SREBF2: variants seen among roughly 807,000 people sequenced by gnomAD.
SREBF2 encodes the protein sterol regulatory element-binding protein 2.
SREBF2 carries 55 observed loss-of-function variants against 113.1 expected under a neutral mutation model. That is an observed-to-expected ratio of 0.49 (90% confidence interval 0.39 to 0.61). The LOEUF (loss-of-function observed/expected upper bound fraction) is 0.61, where lower values mean the gene tolerates loss of function less well. Ranked by LOEUF, SREBF2 falls within the 20% of genes least tolerant of loss-of-function variation. SREBF2 has a pLI of 0.00. For missense variants in SREBF2, 1,349 were observed against 1,487.4 expected, an observed-to-expected ratio of 0.91 and a Z score of 1.53; for synonymous variants, 593 against 605.7, an observed-to-expected ratio of 0.98 and a Z score of 0.31.
chr22:41,898,939 G>A, intron 15 of SREBF2, 158 bp downstream of exon 15: 1 of 1,079,862 alleles, frequency 9.3e-7, no homozygotes, highest in East Asian at 2.6e-5. Context: ...GCACCATGGA[G>A]AACTCAAGTT....
In SREBF2 at chr22:41,900,318, T is replaced by C. The variant is rs202169663; in HGVS notation, c.2739-12T>C. On this transcript the variant is annotated splice_polypyrimidine_tract_variant and intron_variant, in intron 15 of 18. Coordinates refer to ENST00000361204, the MANE Select transcript of SREBF2 (RefSeq NM_004599.4). ...TAGTGACCTGCCTCTCGACTCCCTGTCACTGCTGCAGGAGCCCCCTGGTGA... is the reference window on the plus strand; with the variant it reads ...TAGTGACCTGCCTCTCGACTCCCTGCCACTGCTGCAGGAGCCCCCTGGTGA... 6.2e-7 allele frequency: 1 copy of C among 1,611,750 alleles called. No individual in the cohort carries two copies. The highest frequency in any genetic ancestry group is 8.5e-7 in the Non-Finnish European group (1 of 1,180,004).
intron 1 of SREBF2, among the ~76,000 whole-genome samples, chr22:41,836,574 A>G (rs2076777726): frequency 6.6e-6 from 1 of 152,218 alleles, no homozygotes; most frequent in South Asian, 2.1e-4. Flanking sequence ...TCCTTGAGGC[A>G]GAGACCTTCG....
At chr22:41,873,761 A>G (rs1056813136) in intron 4 of SREBF2, 37 bp from the exon 5 acceptor site, 6 of 1,561,942 alleles carry the variant, frequency 3.8e-6, no homozygotes, top group African/African-American at 1.4e-5. Flanking sequence ...CAGACTAACA[A>G]AGGGATCATT....
Position 41,893,195 on chromosome 22 carries a change from C to T in SREBF2, c.2287C>T (p.His763Tyr), listed in dbSNP as rs750158282. The T allele has an allele frequency of 6.2e-7, 1 of 1,614,180 alleles. No homozygotes were observed. Among genetic ancestry groups the T allele is most frequent in the African/African-American group, 1.3e-5 (1 of 75,034 alleles). ...TCCTGACTCCCTGCGCTGGCTCTGC[C>T]ACCCCCTGGGCCAGAAGTTTTTCAT... Reference protein sequence around the residue: ...AVPDSLRWLCHPLGQKFFMER... With the variant: ...AVPDSLRWLCYPLGQKFFMER... Residue 763 changes from histidine (H) to tyrosine (Y), a missense_variant, in exon 12 of 19, where the codon CAC (histidine) becomes TAC (tyrosine). By Grantham distance (83) the His-to-Tyr change is moderately conservative. Around this residue, in one of 2 missense-constraint regions of SREBF2, gnomAD observed 650 missense variants for 644.1 expected, o/e 1.01. Transcript: ENST00000361204.
chr22:41,866,745 G>C (rs2077079776), intron 1 of SREBF2, 86 bp from the exon 2 acceptor site: 3 of 1,473,356 alleles, frequency 2.0e-6, no homozygotes, highest in East Asian at 4.5e-5. Context: ...GAAAGTCATT[G>C]AGTTTTCATG....
chr22:41,899,043 C>A, intron 15 of SREBF2: 1 of 602,196 alleles, frequency 1.7e-6, no homozygotes, highest in Non-Finnish European at 2.7e-6. Context: ...CTCCTCCCTG[C>A]AGCCTTCATG....
Position 41,854,474 on chromosome 22 carries a change from T to C in SREBF2, c.89-12357T>C, listed in dbSNP as rs190379053. Among the ~76,000 whole-genome samples, 76 of 152,086 alleles carry C rather than the reference T, an allele frequency of 5.0e-4. 1 individual carries two copies. Among genetic ancestry groups the C allele is most frequent in the Middle Eastern group, 6.8e-3 (2 of 294 alleles). ...ACCATGCCCGGCCTGGCTTTTGTTTTTTAATACCAGTATGCTTGGTGCTTG... is the reference window on the plus strand; with the variant it reads ...ACCATGCCCGGCCTGGCTTTTGTTTCTTAATACCAGTATGCTTGGTGCTTG... On this transcript the variant is annotated intron_variant, in intron 1 of 18. Transcript: ENST00000361204.
chr22:41,904,170 G>A (rs955169122), intron 17 of SREBF2, among the ~76,000 whole-genome samples: 1 of 152,098 alleles, frequency 6.6e-6, no homozygotes, highest in Non-Finnish European at 1.5e-5. Context: ...GAGCCACCTC[G>A]CCTGGTCCAA....
Position 41,870,912 on chromosome 22 carries a change from C to T in SREBF2, c.744C>T (p.Ile248=). Residue 248 remains isoleucine (I), a synonymous_variant, in exon 4 of 19, where the codon ATC becomes ATT. Transcript: ENST00000361204. The part of the protein sequence containing the change: ...QVPVLVQPQI[I]KTDSLVLTTL... ...AGGTCCTGGTCCAGCCTCAGATCAT[C>T]AAGACAGATTCCCTTGTTTTGACCA... 6.2e-7 allele frequency: 1 copy of T among 1,614,162 alleles called. No homozygotes were observed. Among genetic ancestry groups the T allele is most frequent in the Non-Finnish European group, 8.5e-7 (1 of 1,180,032 alleles).
In SREBF2 at chr22:41,880,738, G is replaced by C. The variant is rs2228314; in HGVS notation, c.1784G>C (p.Gly595Ala). The C allele has an allele frequency of 0.3, 480,984 of 1,613,924 alleles. 80,308 individuals carry two copies. The highest frequency in any genetic ancestry group is 0.61 in the Admixed American group (36,890 of 60,014). Residue 595 changes from glycine (G) to alanine (A), a missense_variant, in exon 10 of 19, where the codon GGC becomes GCC. This residue lies in a region of SREBF2 where 699 missense variants were observed against 843.3 expected (regional missense o/e 0.83). Transcript: ENST00000361204. ...LARGDFAAAAGNLQTCLAVLG... is the reference protein window; with the variant it reads ...LARGDFAAAAANLQTCLAVLG... ...TAGGGAGATTTTGCAGCTGCTGCCGGCAACCTACAAACCTGCCTGGCAGTT... is the reference window on the plus strand; with the variant it reads ...TAGGGAGATTTTGCAGCTGCTGCCGCCAACCTACAAACCTGCCTGGCAGTT...
intron 12 of SREBF2, 27 bp from the exon 13 acceptor site, chr22:41,894,793 A>T (rs769322181): frequency 1.3e-6 from 2 of 1,599,210 alleles, no homozygotes; most frequent in Non-Finnish European, 1.7e-6. Context: ...AGCTCCATTT[A>T]ACCCCCCTTG....
chr22:41,890,252 A>AT (rs2077346576), intron 11 of SREBF2, among the ~76,000 whole-genome samples: 1 of 151,978 alleles, frequency 6.6e-6, no homozygotes, highest in Non-Finnish European at 1.5e-5. Flanking sequence ...TTCCACATTG[A>AT]TTTTCACACA....
At position 41,873,886 on chromosome 22, in the gene SREBF2, G is replaced by A. The variant is rs1487544771; in HGVS notation, c.956G>A (p.Gly319Glu). Reference protein sequence around the residue: ...EKVPIKQVPGGVKQLEPPKEG... With the variant: ...EKVPIKQVPGEVKQLEPPKEG... The stretch of plus-strand genomic sequence containing the variant: ...GTGCCCATTAAGCAGGTACCTGGGG[G>A]AGTCAAGCAGCTTGAGCCCCCCAAA... The change falls in exon 5 of 19, where the codon GGA becomes GAA. Residue 319 changes from glycine (G) to glutamate (E), a missense_variant. By Grantham distance (98) the Gly-to-Glu change is moderately conservative. This residue lies in a region of SREBF2 where 699 missense variants were observed against 843.3 expected (regional missense o/e 0.83). Coordinates refer to ENST00000361204, the MANE Select transcript of SREBF2 (RefSeq NM_004599.4). 3.7e-6 allele frequency: 6 copies of A among 1,614,100 alleles called. No individual in the cohort carries two copies. Among genetic ancestry groups the A allele is most frequent in the Non-Finnish European group, 4.2e-6 (5 of 1,180,010 alleles).
rs768033090 is a variant in SREBF2, at chr22:41,900,335, C to T, written c.2744C>T (p.Pro915Leu). 6.2e-7 allele frequency: 1 copy of T among 1,613,112 alleles called. No homozygotes were observed. The highest frequency in any genetic ancestry group is 8.5e-7 in the Non-Finnish European group (1 of 1,180,022). ...ACTCCCTGTCACTGCTGCAGGAGCC[C>T]CCTGGTGAAGGCCATCTTCCATGCC... ...IPKALEVTES[P>L]LVKAIFHACR... The change falls in exon 16 of 19, where the codon CCC becomes CTC. Residue 915 changes from proline to leucine, a missense_variant. Physicochemically the swap from Pro to Leu is moderately conservative, Grantham distance 98. Coordinates refer to ENST00000361204, the MANE Select transcript of SREBF2 (RefSeq NM_004599.4).
At chr22:41,905,033 G>C in intron 18 of SREBF2, 59 bp downstream of exon 18, 1 of 1,441,942 alleles carries the variant, frequency 6.9e-7, no homozygotes. Context: ...TAGGAAGAGA[G>C]GAGAAGAGGG....
chr22:41,854,173 T>G (rs571269664), intron 1 of SREBF2, among the ~76,000 whole-genome samples: 63 of 152,106 alleles, frequency 4.1e-4, no homozygotes, highest in Admixed American at 3.7e-3. Flanking sequence ...TGTTTTTGTT[T>G]TTGTTTTGAG....
chr22:41,905,965 G>GTT lies in SREBF2; in HGVS notation c.*307_*308dup. On this transcript the variant is annotated 3_prime_UTR_variant, in exon 19 of 19. Coordinates refer to ENST00000361204, the MANE Select transcript of SREBF2 (RefSeq NM_004599.4). ...AAGCCCCTGCCTCCAGCCTTCCTGA[G>GTT]TTTCTCTCTCCTGAACCCTACTCTC... 1.6e-6 allele frequency: 1 copy of GTT among 608,028 alleles called. No individual in the cohort carries two copies. The highest frequency in any genetic ancestry group is 3.1e-6 in the Non-Finnish European group (1 of 324,690). The allele number at this position is 608,028 out of a possible 1,614,324, so 37.7% of individuals were successfully genotyped here.
At chr22:41,884,769 G>C (rs537983748) in intron 10 of SREBF2, 73 bp from the exon 11 acceptor site, 1 of 1,530,524 alleles carries the variant, frequency 6.5e-7, no homozygotes, top group Non-Finnish European at 9.1e-7. Flanking sequence ...TACTTTGATC[G>C]TGCTGGAGAG....
At chr22:41,834,413 G>A (rs945990606) in intron 1 of SREBF2, 1 of 152,658 alleles carries the variant, frequency 6.6e-6, no homozygotes, top group African/African-American at 2.4e-5. Context: ...GCCGAGGCCA[G>A]GAGATGTTGA....
Sources: allele counts gnomAD v4.1 joint callset (sites outside exome capture counted in the v4.1 genomes callset), GRCh38; gene constraint gnomAD v4.1.1; regional missense constraint gnomAD v4.1.1; transcripts MANE v1.5; gene names NCBI Gene and HGNC (gene_info 2026-07-23, HGNC 2026-07-21).